Variants in SGCD observed in about 807,000 individuals in gnomAD.
SGCD encodes delta-sarcoglycan.
A neutral mutation model predicts 36.6 loss-of-function variants in SGCD; 18 were observed. That is an observed-to-expected ratio of 0.49 (90% CI 0.34 to 0.73). The LOEUF is 0.73. Ranked by LOEUF, SGCD falls within the 30% of genes least tolerant of loss-of-function variation. The pLI, the probability that SGCD is intolerant of heterozygous loss-of-function variation, is 0.01. For missense variants in SGCD, 387 were observed against 346.7 expected (o/e 1.12, Z -0.92); for synonymous variants, 133 against 130.6 (o/e 1.02, Z -0.12).
chr5:155,902,518 A>G (rs541232354), intron 1 of SGCD, among the ~76,000 whole-genome samples: 2 of 152,304 alleles, frequency 1.3e-5, no homozygotes, highest in African/African-American at 4.8e-5. Flanking sequence ...TCATATAGTA[A>G]GTGATTGACA....
chr5:156,131,416 T>G (rs911334549), intron 3 of SGCD, among the ~76,000 whole-genome samples: 1 of 152,196 alleles, frequency 6.6e-6, no homozygotes, highest in Non-Finnish European at 1.5e-5. Context: ...TAAATAAAAT[T>G]ATGCTGCTAA....
intron 1 of SGCD, among the ~76,000 whole-genome samples, chr5:156,080,596 A>G (rs1247292893): frequency 6.6e-6 from 1 of 152,226 alleles, no homozygotes; most frequent in Non-Finnish European, 1.5e-5. Context: ...TTTGCTGCTT[A>G]GAAATTTCCT....
chr5:156,325,915 A>T (rs970198605), upstream of SGCD, among the ~76,000 whole-genome samples: 2 of 152,154 alleles, frequency 1.3e-5, no homozygotes, highest in Non-Finnish European at 2.9e-5. Flanking sequence ...GTGTAATTTG[A>T]TGCTAAACTC....
intron 7 of SGCD, among the ~76,000 whole-genome samples, chr5:156,749,286 T>C (rs1757062414): frequency 6.6e-6 from 1 of 152,112 alleles, no homozygotes; most frequent in African/African-American, 2.4e-5. Flanking sequence ...TTATAAATAC[T>C]CCTTTGGGAT....
At chr5:156,651,341 T>G (rs1164412037) in intron 7 of SGCD, among the ~76,000 whole-genome samples, 1 of 152,132 alleles carries the variant, frequency 6.6e-6, no homozygotes, top group Non-Finnish European at 1.5e-5. Context: ...TTGATGCAAT[T>G]GCTTTTGAGG....
At chr5:156,160,753 T>C (rs1226418558) in intron 3 of SGCD, among the ~76,000 whole-genome samples, 1 of 151,714 alleles carries the variant, frequency 6.6e-6, no homozygotes, top group African/African-American at 2.4e-5. Flanking sequence ...CATCATCACG[T>C]AATAGTAGCT....
At chr5:156,068,145 A>ATTTTC (rs1254308636) in intron 1 of SGCD, among the ~76,000 whole-genome samples, 1 of 149,850 alleles carries the variant, frequency 6.7e-6, no homozygotes, top group African/African-American at 2.5e-5. Flanking sequence ...ATTTTATTTT[A>ATTTTC]AGTTTTAGGG....
chr5:155,794,299 A>T, the SGCD span, among the ~76,000 whole-genome samples: 1 of 152,176 alleles, frequency 6.6e-6, no homozygotes, highest in Admixed American at 6.5e-5. Flanking sequence ...AATATTTGAT[A>T]TTAAGTATTA....
intron 7 of SGCD, among the ~76,000 whole-genome samples, chr5:156,726,635 G>A (rs1273571536): frequency 2.6e-5 from 4 of 152,266 alleles, no homozygotes; most frequent in South Asian, 2.1e-4. Context: ...TCAGCCTGAC[G>A]AAGTCTTTTT....
chr5:156,087,455 A>T (rs183990926), intron 1 of SGCD, among the ~76,000 whole-genome samples: 2 of 152,136 alleles, frequency 1.3e-5, no homozygotes, highest in Admixed American at 1.3e-4. Flanking sequence ...CCTCGCCAAC[A>T]TGGTGAAATC....
chr5:156,459,000 GA>G (rs2127815002), intron 3 of SGCD, among the ~76,000 whole-genome samples: 1 of 152,200 alleles, frequency 6.6e-6, no homozygotes, highest in East Asian at 1.9e-4. Context: ...CCCTTTCAAA[GA>G]ATATTGTAAT....
intron 3 of SGCD, among the ~76,000 whole-genome samples, chr5:156,207,791 A>T (rs896194512): frequency 2.0e-5 from 3 of 152,130 alleles, no homozygotes; most frequent in Admixed American, 2.0e-4. Context: ...TTCTTTATCT[A>T]CATTTGTAAC....
chr5:156,102,632 TTGA>T (rs562173708), intron 1 of SGCD, among the ~76,000 whole-genome samples: 30 of 152,320 alleles, frequency 2.0e-4, no homozygotes, highest in African/African-American at 6.7e-4. Flanking sequence ...TAAACCAGTG[TTGA>T]TGACTATTTG....
chr5:155,777,238 C>T, the SGCD span, among the ~76,000 whole-genome samples: 1 of 152,070 alleles, frequency 6.6e-6, no homozygotes, highest in Non-Finnish European at 1.5e-5. Flanking sequence ...AAATTTGGTC[C>T]AGTATATAAC....
chr5:156,319,779 T>C (rs1581240613), intron 3 of SGCD, among the ~76,000 whole-genome samples: 1 of 152,228 alleles, frequency 6.6e-6, no homozygotes, highest in East Asian at 1.9e-4. Flanking sequence ...AGTTGTCTCA[T>C]ACAAGTAATG....
At chr5:156,315,143 A>T (rs928840221) in intron 3 of SGCD, among the ~76,000 whole-genome samples, 1 of 151,930 alleles carries the variant, frequency 6.6e-6, no homozygotes, top group Non-Finnish European at 1.5e-5. Flanking sequence ...GTTGTCCATT[A>T]AGTCTCCAAT....
intron 3 of SGCD, among the ~76,000 whole-genome samples, chr5:156,235,240 A>G (rs1765125619): frequency 1.2e-5 from 1 of 83,218 alleles, no homozygotes; most frequent in Admixed American, 1.1e-4. Context: ...AGGACTGTGC[A>G]TGTGGCTTGG....
intron 1 of SGCD, among the ~76,000 whole-genome samples, chr5:156,048,015 T>C (rs1759817390): frequency 6.6e-6 from 1 of 152,030 alleles, no homozygotes; most frequent in South Asian, 2.1e-4. Context: ...ATGTTCCCCT[T>C]CCTGTGTCCA....
At position 156,760,570 on chromosome 5, in the gene SGCD, G is replaced by A. The variant is rs1581543363; in HGVS notation, c.*1180G>A. 6.6e-6 allele frequency: 1 copy of A among 152,548 alleles called. No individual in the cohort carries two copies. The highest frequency in any genetic ancestry group is 2.4e-5 in the African/African-American group (1 of 41,418). The allele number at this position is 152,548 out of a possible 1,614,324, so 9.4% of individuals were successfully genotyped here. Reference sequence around the variant, plus strand: ...AAGCACTACATGCCACCAGAATTGTGCACTGAAAGATAATACAAACTGAGT... The same window carrying A: ...AAGCACTACATGCCACCAGAATTGTACACTGAAAGATAATACAAACTGAGT... On this transcript the variant is annotated 3_prime_UTR_variant, in exon 9 of 9. Coordinates refer to ENST00000337851, the MANE Select transcript of SGCD (RefSeq NM_000337.6).
Sources: gnomAD v4.1 joint callset for allele counts (sites outside exome capture counted in the v4.1 genomes callset) on GRCh38, gnomAD v4.1.1 for gene constraint, MANE v1.5 for transcripts, NCBI Gene and HGNC (gene_info 2026-07-23, HGNC 2026-07-21) for gene names.